Variants in SPTB observed in about 807,000 individuals in gnomAD.
SPTB encodes the protein spectrin beta, erythrocytic.
SPTB carries 45 observed loss-of-function variants against 256.2 expected under a neutral mutation model. The ratio of observed to expected loss-of-function variants is 0.18; its 90% CI spans 0.14 to 0.23. The LOEUF (loss-of-function observed/expected upper bound fraction) is 0.23, where lower values mean the gene tolerates loss of function less well. Among genes scored for constraint, SPTB ranks in the 10% least tolerant of loss-of-function variants. The probability of loss-of-function intolerance (pLI) is 1.00; values close to 1 mark genes in which losing one functional copy is unlikely to be tolerated. For missense variants in SPTB, 2,715 were observed against 3,040.4 expected (o/e 0.89, Z 2.52); for synonymous variants, 1,231 against 1,243.1 (o/e 0.99, Z 0.21).
At chr14:64,776,951 G>A (rs117877457) in intron 22 of SPTB, among the ~76,000 whole-genome samples, 1,879 of 152,300 alleles carry the variant, frequency 0.012, 17 homozygotes, top group Non-Finnish European at 0.02. Flanking sequence ...CCTGGTAGAG[G>A]AAATAGAAGG....
At chr14:64,846,028 C>T (rs889045898) in intron 1 of SPTB, among the ~76,000 whole-genome samples, 1 of 152,208 alleles carries the variant, frequency 6.6e-6, no homozygotes, top group Non-Finnish European at 1.5e-5. Context: ...CAACCACAGC[C>T]TAATGCACCC....
Position 64,767,755 on chromosome 14 carries a change from T to C in SPTB, c.6127A>G (p.Ser2043Gly). 6.2e-7 allele frequency: 1 copy of C among 1,614,190 alleles called. No homozygotes were observed. The highest frequency in any genetic ancestry group is 8.5e-7 in the Non-Finnish European group (1 of 1,180,028). The change falls in exon 30 of 36, where the codon AGT (serine) becomes GGT (glycine). Residue 2043 changes from serine (S) to glycine (G), a missense_variant. By Grantham distance (56) the Ser-to-Gly change is moderately conservative. Around this residue, in one of 4 missense-constraint regions of SPTB, gnomAD observed 2,239 missense variants for 2,384.4 expected, o/e 0.94. Transcript: ENST00000644917. ...TGCCTCTTGATGAGCTTCTCCACAC[T>C]GTCCACTGTGTGTCCAAAGTCCCCG... Reference protein sequence around the residue: ...ASGDFGHTVDSVEKLIKRHEA... With the variant: ...ASGDFGHTVDGVEKLIKRHEA...
intron 1 of SPTB, among the ~76,000 whole-genome samples, chr14:64,833,455 G>C (rs2083478012): frequency 1.3e-5 from 2 of 152,150 alleles, no homozygotes; most frequent in South Asian, 4.1e-4. Flanking sequence ...GGAAGGCAGA[G>C]GTGGGAGAAT....
At chr14:64,750,960 A>G (rs566501006) in intron 33 of SPTB, among the ~76,000 whole-genome samples, 1 of 143,372 alleles carries the variant, frequency 7.0e-6, no homozygotes, top group Admixed American at 7.0e-5. Flanking sequence ...TACATATTTT[A>G]TACATCATAT....
intron 6 of SPTB, 107 bp from the exon 7 acceptor site, chr14:64,801,507 CAGG>C (rs1273123575): frequency 8.8e-6 from 8 of 911,726 alleles, no homozygotes; most frequent in Non-Finnish European, 1.1e-5. Flanking sequence ...GGTGGTCAGG[CAGG>C]AGGAGTGAAA....
chr14:64,794,013 T>C (rs753465593), intron 13 of SPTB, 146 bp from the exon 14 acceptor site: 5 of 678,330 alleles, frequency 7.4e-6, no homozygotes. Flanking sequence ...GGGGTCCCAG[T>C]TGCTCAGAGG....
At chr14:64,860,125 T>C (rs2083943021) in intron 1 of SPTB, among the ~76,000 whole-genome samples, 2 of 152,212 alleles carry the variant, frequency 1.3e-5, no homozygotes. Context: ...TGGCAGGAGC[T>C]GGACTTCTTA....
chr14:64,795,288 C>T lies in SPTB; in HGVS notation c.1644+49G>A. On this transcript the variant is annotated intron_variant, in intron 12 of 35. Coordinates refer to ENST00000644917, the MANE Select transcript of SPTB (RefSeq NM_001355436.2). The surrounding 1 kb of genome is among the most constrained non-coding windows in gnomAD (Gnocchi z 6.5). ...TATGCTAACTGCAGGGCCACTGAGA[C>T]CCAAGGTGAGCACTGCAGGGCATGG... 2 of 1,598,648 alleles carry T rather than the reference C, an allele frequency of 1.3e-6. No homozygotes were observed. The highest frequency in any genetic ancestry group is 1.7e-6 in the Non-Finnish European group (2 of 1,177,608).
chr14:64,861,460 A>C (rs1040001926), intron 1 of SPTB, among the ~76,000 whole-genome samples: 4 of 152,138 alleles, frequency 2.6e-5, no homozygotes, highest in African/African-American at 9.7e-5. Context: ...TCTCGAAATG[A>C]TACTGTGCAT....
At chr14:64,751,095 A>G (rs1038395896) in intron 33 of SPTB, among the ~76,000 whole-genome samples, 2 of 146,460 alleles carry the variant, frequency 1.4e-5, no homozygotes, top group Non-Finnish European at 3.0e-5. Context: ...TATATATTAT[A>G]CATAATATAT....
At chr14:64,797,944 A>C in intron 9 of SPTB, 98 bp from the exon 10 acceptor site, 1 of 829,434 alleles carries the variant, frequency 1.2e-6, no homozygotes, top group Non-Finnish European at 2.1e-6. Context: ...TGAAGCGTAG[A>C]TAGCAAAGCA....
chr14:64,867,524 A>G (rs1882256576), intron 1 of SPTB, among the ~76,000 whole-genome samples: 1 of 152,190 alleles, frequency 6.6e-6, no homozygotes, highest in South Asian at 2.1e-4. Context: ...AATAGGGGTT[A>G]TAGCTGATGG....
intron 1 of SPTB, among the ~76,000 whole-genome samples, chr14:64,858,675 C>T (rs866887400): frequency 2.0e-5 from 3 of 152,116 alleles, no homozygotes; most frequent in South Asian, 2.1e-4. Context: ...GGTCTAAGTA[C>T]GCATCCCAGT....
In SPTB at chr14:64,866,928, G is replaced by A. The variant is rs7144358; in HGVS notation, c.-52+12864C>T. On this transcript the variant is annotated intron_variant, in intron 1 of 35. Coordinates refer to ENST00000644917, the MANE Select transcript of SPTB (RefSeq NM_001355436.2). This position sits in a 1 kb window ranked among gnomAD's most constrained non-coding sequence, Gnocchi z 4.6. ...TTGTTATGAAACAAATCTTGTGTCC[G>A]TGGATCTGAAACGCCCACTCAAAGA... 0.031 allele frequency among the ~76,000 whole-genome samples: 4,716 copies of A among 152,074 alleles called. 243 individuals carry two copies. The highest frequency in any genetic ancestry group is 0.11 in the African/African-American group (4,422 of 41,450).
At position 64,767,361 on chromosome 14, in the gene SPTB, G is replaced by C. The variant is rs1341444824; in HGVS notation, c.6220-9C>G. ...CGTTCTTTCAGCTCAAGCTAGAGGAGGAGAAGGCCCAGGGGTCAGAGCAGC... is the reference window on the plus strand; with the variant it reads ...CGTTCTTTCAGCTCAAGCTAGAGGACGAGAAGGCCCAGGGGTCAGAGCAGC... On this transcript the variant is annotated splice_polypyrimidine_tract_variant and intron_variant, in intron 30 of 35. Coordinates refer to ENST00000644917, the MANE Select transcript of SPTB (RefSeq NM_001355436.2). 1 of 1,614,026 alleles carries C rather than the reference G, an allele frequency of 6.2e-7. No homozygotes were observed. Among genetic ancestry groups the C allele is most frequent in the East Asian group, 2.2e-5 (1 of 44,890 alleles).
At chr14:64,766,923 G>T in intron 31 of SPTB, 122 bp from the exon 32 acceptor site, 1 of 1,271,168 alleles carries the variant, frequency 7.9e-7, no homozygotes, top group Non-Finnish European at 1.1e-6. Flanking sequence ...CCTCCAGTCA[G>T]CCGGCAGCCT....
In SPTB at chr14:64,770,831, G is replaced by A. The variant is rs574148322; in HGVS notation, c.5798+54C>T. 2,076 of 1,612,748 alleles carry A rather than the reference G, an allele frequency of 1.3e-3. 37 individuals carry two copies. The Admixed American group carries it at 0.031, about 24-fold the overall frequency. On this transcript the variant is annotated intron_variant, in intron 27 of 35. Coordinates refer to ENST00000644917, the MANE Select transcript of SPTB (RefSeq NM_001355436.2). ...CCACAGTGCAGCACCCTGGTTGGCC[G>A]GGCTCCTCTGGCCTGGAGAGGAGCT...
chr14:64,856,563 C>G (rs1208032022), intron 1 of SPTB, among the ~76,000 whole-genome samples: 1 of 152,222 alleles, frequency 6.6e-6, no homozygotes, highest in Non-Finnish European at 1.5e-5. Flanking sequence ...CCTCACCAAG[C>G]CTTCTTCCAT....
intron 1 of SPTB, among the ~76,000 whole-genome samples, chr14:64,872,859 C>T (rs547443245): frequency 1.1e-4 from 16 of 152,298 alleles, no homozygotes; most frequent in East Asian, 9.6e-4. Context: ...CCTGAACATG[C>T]GCCTGCCACC....
Sources: gnomAD v4.1 joint callset for allele counts (sites outside exome capture counted in the v4.1 genomes callset) on GRCh38, gnomAD v4.1.1 for gene constraint, gnomAD v4.1.1 regional missense constraint, Gnocchi (gnomAD v3.1) non-coding constraint, MANE v1.5 for transcripts, NCBI Gene and HGNC (gene_info 2026-07-23, HGNC 2026-07-21) for gene names.